STPG2: variants seen among roughly 807,000 people sequenced by gnomAD.
STPG2 encodes sperm tail PG-rich repeat containing 2, also known as sperm-tail PG-rich repeat-containing protein 2.
STPG2 carries 56 observed loss-of-function variants against 54.2 expected under a neutral mutation model. That is an observed-to-expected ratio of 1.03 (90% CI 0.83 to 1.29). STPG2 has a LOEUF of 1.29. Ranked by LOEUF, STPG2 falls within the 50% of genes most tolerant of loss-of-function variation. STPG2 has a pLI of 0.00. For synonymous variants in STPG2, 200 were observed against 181.8 expected, an observed-to-expected ratio of 1.10 and a Z score of -0.81; for missense variants, 596 against 544.9, an observed-to-expected ratio of 1.09 and a Z score of -0.93.
chr4:97,993,542 T>A (rs1308922876), intron 5 of STPG2, among the ~76,000 whole-genome samples: 2 of 138,968 alleles, frequency 1.4e-5, no homozygotes, highest in Non-Finnish European at 3.0e-5. Context: ...AGTTTTCTTT[T>A]CTATTTTTTT....
At chr4:97,512,740 T>C (rs1055554404) in intron 4 of STPG2, among the ~76,000 whole-genome samples, 2 of 152,094 alleles carry the variant, frequency 1.3e-5, no homozygotes, top group African/African-American at 4.8e-5. Flanking sequence ...GGGCTTAGCG[T>C]ACACCAGACA....
intron 9 of STPG2, among the ~76,000 whole-genome samples, chr4:97,724,723 A>G (rs1400279202): frequency 6.6e-6 from 1 of 152,054 alleles, no homozygotes; most frequent in Non-Finnish European, 1.5e-5. Context: ...ATCCTTAGGT[A>G]TTGATGTGAA....
At chr4:98,083,901 C>T (rs1279485236) in intron 5 of STPG2, among the ~76,000 whole-genome samples, 1 of 152,160 alleles carries the variant, frequency 6.6e-6, no homozygotes, top group Non-Finnish European at 1.5e-5. Context: ...CCCAGACTGG[C>T]ATACAGTGGC....
intron 8 of STPG2, among the ~76,000 whole-genome samples, chr4:97,863,124 C>CA (rs202132822): frequency 0.051 from 7,810 of 151,890 alleles, 284 homozygotes; most frequent in Non-Finnish European, 0.083. Context: ...GATAGAGACA[C>CA]AAAAAACCCT....
At chr4:98,136,046 A>G (rs550211901) in intron 1 of STPG2, among the ~76,000 whole-genome samples, 10 of 151,872 alleles carry the variant, frequency 6.6e-5, no homozygotes, top group Admixed American at 2.0e-4. Context: ...AAAAGGTGGA[A>G]TTAGCAGACA....
At chr4:97,810,747 TA>T (rs1373724404) in intron 9 of STPG2, among the ~76,000 whole-genome samples, 1 of 152,158 alleles carries the variant, frequency 6.6e-6, no homozygotes, top group Non-Finnish European at 1.5e-5. Flanking sequence ...ATAAAGGCCA[TA>T]ATTTGAATAT....
downstream of STPG2, among the ~76,000 whole-genome samples, chr4:97,558,143 T>C (rs1390730428): frequency 2.0e-5 from 3 of 152,208 alleles, no homozygotes; most frequent in Non-Finnish European, 4.4e-5. Flanking sequence ...ATACACACAG[T>C]AGCATATACA....
chr4:97,676,542 A>AAAGG (rs70953080), intron 10 of STPG2, among the ~76,000 whole-genome samples: 4,453 of 131,258 alleles, frequency 0.034, 96 homozygotes, highest in East Asian at 0.08. Context: ...GAGTTGGAAG[A>AAAGG]AAGGAAGGAA....
At position 97,676,564 on chromosome 4, in the gene STPG2, AGG is replaced by A. The variant is rs1722854787; in HGVS notation, c.1320+36133_1320+36134del. Among the ~76,000 whole-genome samples, 5 of 127,598 alleles carry A rather than the reference AGG, an allele frequency of 3.9e-5. No homozygotes were observed. In the South Asian group the frequency reaches 1.4e-3, roughly 36 times the overall value. The allele number at this position is 127,598 out of a possible 152,430, so 83.7% of individuals were successfully genotyped here. On this transcript the variant is annotated intron_variant, in intron 10 of 10. Coordinates refer to ENST00000295268, the MANE Select transcript of STPG2 (RefSeq NM_174952.3). ...AAGAAAGGAAGGAAGGAAGGAAGGA[AGG>A]AAGGAAGGAAAGGAGGGAGGGAGGG...
intron 8 of STPG2, among the ~76,000 whole-genome samples, chr4:97,909,034 AATAATAAT>A (rs1164845187): frequency 6.7e-6 from 1 of 148,792 alleles, no homozygotes. Flanking sequence ...TAATAATAAT[AATAATAAT>A]AAGTTGTGGC....
At chr4:97,916,127 GCACC>G (rs575744899) in intron 8 of STPG2, among the ~76,000 whole-genome samples, 20 of 152,170 alleles carry the variant, frequency 1.3e-4, no homozygotes, top group African/African-American at 4.8e-4. Context: ...ATTACAAATG[GCACC>G]CTTTTACTCT....
chr4:98,143,060 G>C lies in STPG2; in HGVS notation c.91C>G (p.Leu31Val), dbSNP rs1205095694. 4 of 1,612,984 alleles carry C rather than the reference G, an allele frequency of 2.5e-6. No individual in the cohort carries two copies. Among genetic ancestry groups the C allele is most frequent in the Middle Eastern group, 1.7e-4 (1 of 6,056 alleles). ...VGPGSYQVPFLKQQATGSNAP... is the reference protein window; with the variant it reads ...VGPGSYQVPFVKQQATGSNAP... Reference sequence around the variant, plus strand: ...ATCTTACCTGTCGCCTGCTGCTTCAGGAAAGGTACCTGGTAGGATCCAGGA... The same window carrying C: ...ATCTTACCTGTCGCCTGCTGCTTCACGAAAGGTACCTGGTAGGATCCAGGA... Residue 31 changes from leucine (L) to valine (V), a missense_variant, in exon 1 of 11, where the codon CTG becomes GTG. By Grantham distance (32) the Leu-to-Val change is conservative. Coordinates refer to ENST00000295268, the MANE Select transcript of STPG2 (RefSeq NM_174952.3).
chr4:97,533,662 T>C (rs1157426278), intron 4 of STPG2, among the ~76,000 whole-genome samples: 2 of 152,126 alleles, frequency 1.3e-5, no homozygotes, highest in Non-Finnish European at 2.9e-5. Flanking sequence ...TCACAAAATA[T>C]GTACTATTAT....
intron 1 of STPG2, among the ~76,000 whole-genome samples, chr4:98,136,898 AT>A (rs1447244287): frequency 6.6e-6 from 1 of 151,778 alleles, no homozygotes; most frequent in East Asian, 1.9e-4. Flanking sequence ...AAAAAGAATT[AT>A]TTTTTAAAAA....
At chr4:97,478,095 G>GT (rs1560625470) in intron 4 of STPG2, among the ~76,000 whole-genome samples, 2 of 152,112 alleles carry the variant, frequency 1.3e-5, no homozygotes, top group African/African-American at 4.8e-5. Context: ...TTCAAATGAG[G>GT]TTGCTGGTAT....
chr4:97,793,344 T>C (rs1421360910), intron 9 of STPG2, among the ~76,000 whole-genome samples: 1 of 148,784 alleles, frequency 6.7e-6, no homozygotes, highest in Admixed American at 6.8e-5. Context: ...CAGGGATTTA[T>C]ATATATAAAA....
chr4:98,104,775 C>A (rs1739142109), intron 5 of STPG2, among the ~76,000 whole-genome samples: 1 of 152,076 alleles, frequency 6.6e-6, no homozygotes, highest in African/African-American at 2.4e-5. Flanking sequence ...GTAAATTACC[C>A]TTATGTAAGG....
intron 4 of STPG2, among the ~76,000 whole-genome samples, chr4:97,545,986 A>T (rs939169017): frequency 2.6e-5 from 4 of 152,066 alleles, no homozygotes; most frequent in Non-Finnish European, 5.9e-5. Flanking sequence ...AGAGGCCAGA[A>T]GTAGGACACA....
At chr4:98,133,724 A>G (rs1331157965) in intron 2 of STPG2, among the ~76,000 whole-genome samples, 3 of 151,986 alleles carry the variant, frequency 2.0e-5, no homozygotes, top group Non-Finnish European at 2.9e-5. Flanking sequence ...CTGCATCTAT[A>G]TCGATCACTT....
Sources: allele counts gnomAD v4.1 joint callset (sites outside exome capture counted in the v4.1 genomes callset), GRCh38; gene constraint gnomAD v4.1.1; transcripts MANE v1.5; gene names NCBI Gene and HGNC (gene_info 2026-07-23, HGNC 2026-07-21).